Variants in ARAP2 observed in about 807,000 individuals in gnomAD.
The protein encoded by ARAP2 is arf-GAP with Rho-GAP domain, ANK repeat and PH domain-containing protein 2.
Under a neutral mutation model 194.5 loss-of-function variants are expected in ARAP2, and 148 were observed. The observed-to-expected ratio is 0.76, with a 90% CI of 0.67 to 0.87. The LOEUF is 0.87. Among genes scored for constraint, ARAP2 ranks in the 40% least tolerant of loss-of-function variants. The pLI is 0.00. For synonymous variants in ARAP2, 695 were observed against 683.5 expected, an observed-to-expected ratio of 1.02 and a Z score of -0.26; for missense variants, 2,128 against 1,989.7, an observed-to-expected ratio of 1.07 and a Z score of -1.32.
At chr4:36,009,521 G>C (rs183701879) in intron 9 of ARAP2, among the ~76,000 whole-genome samples, 1 of 152,074 alleles carries the variant, frequency 6.6e-6, no homozygotes, top group Admixed American at 6.6e-5. Context: ...ACAAGAGGGG[G>C]GATAAAGGGA....
chr4:36,204,497 G>C (rs1161595382), intron 6 of ARAP2, among the ~76,000 whole-genome samples: 1 of 152,182 alleles, frequency 6.6e-6, no homozygotes, highest in Non-Finnish European at 1.5e-5. Context: ...ACACTAGAGA[G>C]AGGCATAGAG....
chr4:36,109,474 G>C (rs1216500624), intron 26 of ARAP2, among the ~76,000 whole-genome samples: 3 of 151,686 alleles, frequency 2.0e-5, no homozygotes, highest in Non-Finnish European at 2.9e-5. Flanking sequence ...TTAACAGAAA[G>C]ACTCACAGAC....
Position 36,161,491 on chromosome 4 carries a change from T to C in ARAP2, c.2233A>G (p.Ser745Gly). The change falls in exon 12 of 33, where the codon AGC (serine) becomes GGC (glycine). Residue 745 changes from serine (S) to glycine (G), a missense_variant. Physicochemically the swap from Ser to Gly is moderately conservative, Grantham distance 56. Transcript: ENST00000303965. ...SKVRSLKMDA[S>G]IWSNELIELF... The stretch of plus-strand genomic sequence containing the variant: ...TCGATGAGTTCATTGCTCCAAATGC[T>C]AGCATCCATTTTTAGACTTCTAACC... 31 of 1,614,038 alleles carry C rather than the reference T, an allele frequency of 1.9e-5. No homozygotes were observed. Among genetic ancestry groups the C allele is most frequent in the Non-Finnish European group, 2.6e-5 (31 of 1,179,952 alleles).
intron 19 of ARAP2, among the ~76,000 whole-genome samples, chr4:36,134,760 A>ACACT (rs1553915268): frequency 4.0e-5 from 6 of 149,684 alleles, no homozygotes. Context: ...ACACACACAC[A>ACACT]CCCTCCTGGA....
At chr4:36,154,752 T>C (rs539703349) in intron 15 of ARAP2, among the ~76,000 whole-genome samples, 8 of 152,266 alleles carry the variant, frequency 5.3e-5, no homozygotes, top group African/African-American at 1.7e-4. Flanking sequence ...TTCCCAGACT[T>C]TTGTCTTTGT....
At chr4:36,161,793 C>CA (rs869193087) in intron 11 of ARAP2, among the ~76,000 whole-genome samples, 3 of 99,462 alleles carry the variant, frequency 3.0e-5, no homozygotes, top group Admixed American at 1.1e-4. Context: ...TCTGCACTGA[C>CA]AAAAAAAAAA....
chr4:36,068,093 G>A lies in ARAP2; in HGVS notation c.4929C>T (p.Ala1643=). 1 of 1,614,026 alleles carries A rather than the reference G, an allele frequency of 6.2e-7. No homozygotes were observed. The highest frequency in any genetic ancestry group is 8.5e-7 in the Non-Finnish European group (1 of 1,179,972). The change falls in exon 33 of 33, where the codon GCC becomes GCT. Residue 1643 remains alanine (A), a synonymous_variant. Transcript: ENST00000303965. ...TATGGCCTTTTGGTTGCCCAAGTGG[G>A]GCTTCAGGCTCTGTGTCCTCCAGGC... ...FNCLEDTEPE[A]PLGQPKGHKG...
At chr4:36,150,611 A>T (rs558995507) in intron 16 of ARAP2, among the ~76,000 whole-genome samples, 2 of 152,112 alleles carry the variant, frequency 1.3e-5, no homozygotes, top group African/African-American at 4.8e-5. Flanking sequence ...ACTGCACTCC[A>T]GTCTGGGTGA....
At chr4:36,018,138 T>G (rs1716217451) in intron 6 of ARAP2, among the ~76,000 whole-genome samples, 1 of 152,136 alleles carries the variant, frequency 6.6e-6, no homozygotes, top group African/African-American at 2.4e-5. Flanking sequence ...AAGTCTAAAT[T>G]ATTGTGGCCA....
chr4:36,069,720 A>G (rs1399440493), intron 32 of ARAP2, among the ~76,000 whole-genome samples: 10 of 152,204 alleles, frequency 6.6e-5, no homozygotes, highest in Non-Finnish European at 1.3e-4. Flanking sequence ...ATAATGCTGA[A>G]ATTTCAAGTA....
intron 19 of ARAP2, among the ~76,000 whole-genome samples, chr4:36,145,207 T>C (rs763883321): frequency 1.3e-5 from 2 of 151,958 alleles, no homozygotes; most frequent in Non-Finnish European, 2.9e-5. Flanking sequence ...AAAATGGTTC[T>C]ACCAAAAAGA....
At chr4:36,026,126 C>G (rs1246491622) in intron 5 of ARAP2, among the ~76,000 whole-genome samples, 1 of 152,118 alleles carries the variant, frequency 6.6e-6, no homozygotes, top group African/African-American at 2.4e-5. Context: ...TGAAAATAGG[C>G]TCCAATAAAT....
rs1184930719 is a variant in ARAP2, at chr4:36,166,940, C to A, written c.1965G>T (p.Arg655Ser). 1 of 1,593,430 alleles carries A rather than the reference C, an allele frequency of 6.3e-7. No homozygotes were observed. Among genetic ancestry groups the A allele is most frequent in the Non-Finnish European group, 8.5e-7 (1 of 1,170,982 alleles). ...GTTTAAAAATAGCTTACCTGAAACT[C>A]CTGTAGGGAGTGATTATTTCAAAAG... ...KQSFEIITPY[R>S]SFSFTAETEK... Residue 655 changes from arginine to serine, a missense_variant, in exon 10 of 33, where the codon AGG becomes AGT. By Grantham distance (110) the Arg-to-Ser change is moderately radical (BLOSUM62 -1). Coordinates refer to ENST00000303965, the MANE Select transcript of ARAP2 (RefSeq NM_015230.4).
chr4:36,129,491 T>C (rs73806498), intron 20 of ARAP2, among the ~76,000 whole-genome samples: 1 of 151,962 alleles, frequency 6.6e-6, no homozygotes, highest in Non-Finnish European at 1.5e-5. Context: ...TTCTTTTTTT[T>C]CTAGATGCTT....
intron 6 of ARAP2, among the ~76,000 whole-genome samples, chr4:36,200,969 C>T (rs753592058): frequency 2.6e-5 from 4 of 152,156 alleles, no homozygotes; most frequent in South Asian, 2.1e-4. Context: ...GCCTATGTTC[C>T]GGCTACCATA....
At chr4:36,199,051 T>A (rs1405992304) in intron 6 of ARAP2, among the ~76,000 whole-genome samples, 1 of 152,124 alleles carries the variant, frequency 6.6e-6, no homozygotes, top group African/African-American at 2.4e-5. Flanking sequence ...CCCGAGGAGC[T>A]CCCACCTTAC....
intron 28 of ARAP2, among the ~76,000 whole-genome samples, chr4:36,090,469 A>G (rs1191988094): frequency 2.0e-5 from 3 of 152,120 alleles, no homozygotes; most frequent in Non-Finnish European, 4.4e-5. Flanking sequence ...ACCTCAGTCC[A>G]ATATCCTTGA....
chr4:36,062,679 A>G (rs1724658905), downstream of ARAP2, among the ~76,000 whole-genome samples: 1 of 151,686 alleles, frequency 6.6e-6, no homozygotes, highest in Non-Finnish European at 1.5e-5. Context: ...ACAGTTGTTG[A>G]AAAAAGTCAA....
intron 15 of ARAP2, among the ~76,000 whole-genome samples, chr4:36,156,347 GAGA>G (rs1732325606): frequency 4.1e-5 from 1 of 24,174 alleles, no homozygotes; most frequent in South Asian, 2.4e-3. Context: ...GAAAGAGAGA[GAGA>G]GAGAGAGGGA....
Sources: gnomAD v4.1 joint callset for allele counts (sites outside exome capture counted in the v4.1 genomes callset) on GRCh38, gnomAD v4.1.1 for gene constraint, MANE v1.5 for transcripts, NCBI Gene and HGNC (gene_info 2026-07-23, HGNC 2026-07-21) for gene names.